Variants in SHANK2 observed in about 807,000 individuals in gnomAD.
SHANK2 encodes the protein SH3 and multiple ankyrin repeat domains protein 2.
Under a neutral mutation model 133.7 loss-of-function variants are expected in SHANK2, and 43 were observed. That is an observed-to-expected ratio of 0.32 (90% CI 0.25 to 0.41). The LOEUF is 0.41. Among genes scored for constraint, SHANK2 ranks in the 10% least tolerant of loss-of-function variants. SHANK2 has a pLI of 1.00. For synonymous variants in SHANK2, 1,017 were observed against 952.8 expected, an observed-to-expected ratio of 1.07 and a Z score of -1.24; for missense variants, 1,994 against 2,235.8, an observed-to-expected ratio of 0.89 and a Z score of 2.18.
At chr11:70,943,042 G>T (rs782206150) in intron 10 of SHANK2, 3 of 456,698 alleles carry the variant, frequency 6.6e-6, no homozygotes, top group South Asian at 4.6e-5. Flanking sequence ...CAAGTACTGT[G>T]GGAATCAAAA....
chr11:71,199,592 G>T (rs1244087782), intron 2 of SHANK2, among the ~76,000 whole-genome samples: 1 of 152,232 alleles, frequency 6.6e-6, no homozygotes, highest in Non-Finnish European at 1.5e-5. Context: ...CGCAGCCCAC[G>T]CAAAGCAGCT....
At chr11:70,502,753 C>CCA (rs782280661) in intron 18 of SHANK2, 43 bp downstream of exon 18, 11 of 1,393,110 alleles carry the variant, frequency 7.9e-6, no homozygotes, top group African/African-American at 7.7e-5. Context: ...CCCCCCCCCC[C>CCA]AGTAGGGCCC....
rs76509619 is a variant in SHANK2 at position 70,556,310 on chromosome 11, A to C, written c.2062-53379T>G. ...ACCTACTGAAGGACATCCAGGCTAC[A>C]TCCAGTTTTTGGCAATAAAGCTGCT... On this transcript the variant is annotated intron_variant, in intron 17 of 25. Transcript: ENST00000601538. Among the ~76,000 whole-genome samples, 581 of 152,366 alleles carry C rather than the reference A, an allele frequency of 3.8e-3. 10 individuals carry two copies. In the East Asian group the frequency reaches 0.043, roughly 11 times the overall value.
At chr11:71,094,868 C>T (rs559457972) in intron 6 of SHANK2, among the ~76,000 whole-genome samples, 180 bp from the exon 7 acceptor site, 2 of 152,340 alleles carry the variant, frequency 1.3e-5, no homozygotes, top group South Asian at 4.1e-4. Flanking sequence ...GCTCAGGCAC[C>T]CCCGTGCGAT....
In SHANK2 at chr11:70,765,552, C is replaced by T. The variant is rs138737404; in HGVS notation, c.1777+32891G>A. ...AGCTGTTATTCCTAAACTTAAAAGC[C>T]GTTAAATTTCTGTTTGGTTTCAGCC... On this transcript the variant is annotated intron_variant, in intron 14 of 25. Coordinates refer to ENST00000601538, the MANE Select transcript of SHANK2 (RefSeq NM_012309.5). 1.3e-3 allele frequency among the ~76,000 whole-genome samples: 194 copies of T among 152,268 alleles called. 1 individual carries two copies. The highest frequency in any genetic ancestry group is 4.5e-3 in the African/African-American group (188 of 41,550).
intron 9 of SHANK2, among the ~76,000 whole-genome samples, chr11:71,064,234 C>A (rs1454490658): frequency 6.6e-6 from 1 of 152,158 alleles, no homozygotes; most frequent in African/African-American, 2.4e-5. Flanking sequence ...AGAGGGGGCA[C>A]AGAAAACAAC....
chr11:70,790,262 A>AG (rs1395415976), intron 14 of SHANK2, among the ~76,000 whole-genome samples: 1 of 152,190 alleles, frequency 6.6e-6, no homozygotes, highest in Admixed American at 6.5e-5. Context: ...AGTCCCCAGT[A>AG]GGGGAGGTGG....
At chr11:70,695,865 T>C (rs548483205) in intron 15 of SHANK2, among the ~76,000 whole-genome samples, 1 of 152,328 alleles carries the variant, frequency 6.6e-6, no homozygotes, top group South Asian at 2.1e-4. Flanking sequence ...GGCCCACAGC[T>C]TGTCTGATCC....
rs1427556353 is a variant in SHANK2 at position 70,849,066 on chromosome 11, C to T, written c.1175-28384G>A. Among the ~76,000 whole-genome samples, 7 of 152,226 alleles carry T rather than the reference C, an allele frequency of 4.6e-5. No homozygotes were observed. The South Asian group carries it at 8.3e-4, about 18-fold the overall frequency. On this transcript the variant is annotated intron_variant, in intron 11 of 25. Transcript: ENST00000601538. ...CCACTGAAAATATGAATGGTAGAAACGGCCTGGACCTCACACTCCGGAATG... is the reference window on the plus strand; with the variant it reads ...CCACTGAAAATATGAATGGTAGAAATGGCCTGGACCTCACACTCCGGAATG...
intron 1 of SHANK2, among the ~76,000 whole-genome samples, chr11:71,231,512 C>T (rs1381782784): frequency 3.3e-5 from 5 of 152,192 alleles, no homozygotes; most frequent in Non-Finnish European, 7.4e-5. Flanking sequence ...AACAGTGTAG[C>T]AGTTCCTTAA....
intron 11 of SHANK2, chr11:70,826,568 G>C (rs1948643892): frequency 4.2e-6 from 2 of 470,858 alleles, no homozygotes; most frequent in South Asian, 3.1e-5. Context: ...GGAAGGACAG[G>C]CGTGCAGCCC....
chr11:71,156,580 A>G (rs186268166), intron 2 of SHANK2, among the ~76,000 whole-genome samples: 1 of 152,196 alleles, frequency 6.6e-6, no homozygotes, highest in East Asian at 1.9e-4. Context: ...GCCTAATTCC[A>G]CATCTAATTC....
At chr11:71,226,376 G>A (rs554593376) in intron 1 of SHANK2, among the ~76,000 whole-genome samples, 2 of 152,316 alleles carry the variant, frequency 1.3e-5, no homozygotes, top group African/African-American at 4.8e-5. Context: ...GGAGAGAGAA[G>A]AGAGGGAGGG....
Position 71,179,725 on chromosome 11 carries a change from T to C in SHANK2, c.-12-32387A>G, listed in dbSNP as rs574278053. Reference sequence around the variant, plus strand: ...AAAAACTACTAGAACAAGTGATTTTTAGCAAGACTGAAGAAGGCAACAGGA... The same window carrying C: ...AAAAACTACTAGAACAAGTGATTTTCAGCAAGACTGAAGAAGGCAACAGGA... On this transcript the variant is annotated intron_variant, in intron 2 of 25. Coordinates refer to ENST00000601538, the MANE Select transcript of SHANK2 (RefSeq NM_012309.5). Among the ~76,000 whole-genome samples, 4 of 152,338 alleles carry C rather than the reference T, an allele frequency of 2.6e-5. No homozygotes were observed. In the South Asian group the frequency reaches 8.3e-4, roughly 32 times the overall value.
At chr11:71,103,263 C>G (rs1244293992) in intron 6 of SHANK2, among the ~76,000 whole-genome samples, 4 of 152,190 alleles carry the variant, frequency 2.6e-5, no homozygotes, top group African/African-American at 9.7e-5. Context: ...AGAGCTGAGG[C>G]CTGGCAAGGC....
intron 8 of SHANK2, among the ~76,000 whole-genome samples, chr11:71,090,442 C>CGTGTGT (rs1181678975): frequency 1.2e-4 from 1 of 8,042 alleles, no homozygotes; most frequent in East Asian, 5.2e-3. Flanking sequence ...AGAAACACTA[C>CGTGTGT]GTGTGTGTGT....
chr11:70,488,095 G>A (rs782671006), intron 24 of SHANK2, among the ~76,000 whole-genome samples: 21 of 152,214 alleles, frequency 1.4e-4, no homozygotes, highest in Non-Finnish European at 2.6e-4. Context: ...GTGTGTGTGC[G>A]CTTACGTGTG....
chr11:71,161,394 C>T (rs1555109900), intron 2 of SHANK2, among the ~76,000 whole-genome samples: 1 of 152,206 alleles, frequency 6.6e-6, no homozygotes, highest in East Asian at 1.9e-4. Flanking sequence ...AGAGAATCCC[C>T]TTCCCTTTCC....
intron 8 of SHANK2, among the ~76,000 whole-genome samples, chr11:71,091,095 G>A (rs781819137): frequency 6.6e-6 from 1 of 152,170 alleles, no homozygotes; most frequent in South Asian, 2.1e-4. Context: ...AATGATCACA[G>A]GGGAAAATTA....
Sources: gnomAD v4.1 joint callset for allele counts (sites outside exome capture counted in the v4.1 genomes callset) on GRCh38, gnomAD v4.1.1 for gene constraint, MANE v1.5 for transcripts, NCBI Gene and HGNC (gene_info 2026-07-23, HGNC 2026-07-21) for gene names.